The following GTF2A2 variants were observed in gnomAD, a reference collection of about 807,000 sequenced individuals.
GTF2A2 encodes general transcription factor IIA subunit 2, also known as transcription initiation factor IIA subunit 2.
Under a neutral mutation model 14.3 loss-of-function variants are expected in GTF2A2, and 9 were observed. The observed-to-expected ratio is 0.63, with a 90% CI of 0.38 to 1.10. GTF2A2 has a LOEUF of 1.10. Among genes scored for constraint, GTF2A2 ranks in the 50% least tolerant of loss-of-function variants. The pLI is 0.01. For missense variants in GTF2A2, 90 were observed against 124.6 expected (o/e 0.72, Z 1.32); for synonymous variants, 56 against 46.0 (o/e 1.22, Z -0.88).
intron 2 of GTF2A2, 72 bp from the exon 3 acceptor site, chr15:59,650,845 A>C (rs776326159): frequency 4.9e-6 from 4 of 816,238 alleles, no homozygotes; most frequent in Admixed American, 2.3e-5. Flanking sequence ...AAATATACAA[A>C]TTATCATCTA....
Position 59,639,148 on chromosome 15 carries a change from G to T in GTF2A2, c.314C>A (p.Ser105Tyr). Residue 105 changes from serine to tyrosine, a missense_variant, in exon 5 of 5, where the codon TCC becomes TAC. By Grantham distance (144) the Ser-to-Tyr change is moderately radical. Coordinates refer to ENST00000396060, the MANE Select transcript of GTF2A2 (RefSeq NM_004492.3). ...TTTTTCTATTCATTCTGTAGTATTG[G>T]AGCCAGTATCTAGGAAACAAAAGAG... The part of the protein sequence containing the change: ...IVACDGKNTG[S>Y]NTTE 6.9e-7 allele frequency: 1 copy of T among 1,458,138 alleles called. No individual in the cohort carries two copies. Among genetic ancestry groups the T allele is most frequent in the Non-Finnish European group, 9.6e-7 (1 of 1,041,774 alleles). 90.3% of individuals were successfully genotyped at this position (1,458,138 alleles called of 1,614,324 possible). A position where few individuals can be genotyped will look rare whatever the true frequency, so the allele number is the denominator to read the frequency against.
chr15:59,652,993 G>A (rs1407742554), intron 1 of GTF2A2: 3 of 152,130 alleles, frequency 2.0e-5, no homozygotes, highest in Non-Finnish European at 4.4e-5. Context: ...AATAGAATAA[G>A]TAAAGCCATG....
Position 59,639,113 on chromosome 15 carries a change from A to AAAGTCATATTTTTTC in GTF2A2, c.*4_*18dup. On this transcript the variant is annotated 3_prime_UTR_variant, in exon 5 of 5. Transcript: ENST00000396060. ...AATGAATAACAGAAGATGGTGTAAA[A>AAAGTCATATTTTTTC]AAGTCATATTTTTTCTATTCATTCT... The AAAGTCATATTTTTTC allele has an allele frequency of 7.3e-7, 1 of 1,373,242 alleles. No individual in the cohort carries two copies. The highest frequency in any genetic ancestry group is 1.0e-6 in the Non-Finnish European group (1 of 963,430). 85.1% of individuals were successfully genotyped at this position (1,373,242 alleles called of 1,614,324 possible). A position where few individuals can be genotyped will look rare whatever the true frequency, so the allele number is the denominator to read the frequency against.
chr15:59,641,272 A>AGTT (rs1364371640), intron 4 of GTF2A2, among the ~76,000 whole-genome samples: 5 of 152,008 alleles, frequency 3.3e-5, no homozygotes, highest in African/African-American at 4.8e-5. Context: ...TGCAAAAAAA[A>AGTT]GTTATAACAC....
chr15:59,640,672 A>T (rs1291961770), intron 4 of GTF2A2, among the ~76,000 whole-genome samples: 1 of 152,200 alleles, frequency 6.6e-6, no homozygotes, highest in Non-Finnish European at 1.5e-5. Context: ...TTTGATAGAG[A>T]TCTAGGTATT....
chr15:59,642,495 ATTAC>A (rs1350134351), intron 3 of GTF2A2, among the ~76,000 whole-genome samples: 1 of 152,236 alleles, frequency 6.6e-6, no homozygotes, highest in Admixed American at 6.5e-5. Context: ...TGCATTGCAA[ATTAC>A]TTACCTGAAA....
At chr15:59,656,323 G>A (rs1891941622) in intron 1 of GTF2A2, among the ~76,000 whole-genome samples, 4 of 151,768 alleles carry the variant, frequency 2.6e-5, no homozygotes. Context: ...TCAAGTCTTT[G>A]CTCAAATAAC....
chr15:59,652,321 G>C lies in GTF2A2; in HGVS notation c.-44C>G. 1 of 1,031,122 alleles carries C rather than the reference G, an allele frequency of 9.7e-7. No homozygotes were observed. Among genetic ancestry groups the C allele is most frequent in the Non-Finnish European group, 1.5e-6 (1 of 674,540 alleles). The allele number at this position is 1,031,122 out of a possible 1,614,324, so 63.9% of individuals were successfully genotyped here. A position where few individuals can be genotyped will look rare whatever the true frequency, so the allele number is the denominator to read the frequency against. On this transcript the variant is annotated 5_prime_UTR_variant, in exon 2 of 5. It adds an upstream start codon to the 5' untranslated region. Coordinates refer to ENST00000396060, the MANE Select transcript of GTF2A2 (RefSeq NM_004492.3). ...TGTTTTTCTTATTCAAGCTTGCATTGATGTCCTAAAAATTTAATATAAAAT... is the reference window on the plus strand; with the variant it reads ...TGTTTTTCTTATTCAAGCTTGCATTCATGTCCTAAAAATTTAATATAAAAT...
At chr15:59,656,771 C>T (rs1891957008) in intron 1 of GTF2A2, 1 of 152,148 alleles carries the variant, frequency 6.6e-6, no homozygotes, top group South Asian at 2.1e-4. Context: ...GAAAATAGCC[C>T]TGCGTTAAAC....
At chr15:59,642,417 A>C (rs184976775) in intron 3 of GTF2A2, among the ~76,000 whole-genome samples, 155 bp from the exon 4 acceptor site, 107 of 152,328 alleles carry the variant, frequency 7.0e-4, no homozygotes, top group East Asian at 4.4e-3. Flanking sequence ...TTAAAAAAAC[A>C]ACCACCAGAC....
chr15:59,644,872 G>A (rs1891551045), intron 3 of GTF2A2, among the ~76,000 whole-genome samples: 1 of 152,184 alleles, frequency 6.6e-6, no homozygotes, highest in Admixed American at 6.5e-5. Flanking sequence ...AGTCAGTGAA[G>A]GATCTTAAGC....
At chr15:59,648,714 C>T (rs1891694575) in intron 3 of GTF2A2, among the ~76,000 whole-genome samples, 1 of 152,038 alleles carries the variant, frequency 6.6e-6, no homozygotes, top group South Asian at 2.1e-4. Flanking sequence ...GTGGGCAGAT[C>T]ACGAGGTCAG....
At chr15:59,648,883 A>G (rs1362950879) in intron 3 of GTF2A2, among the ~76,000 whole-genome samples, 3 of 152,100 alleles carry the variant, frequency 2.0e-5, no homozygotes, top group East Asian at 1.9e-4. Context: ...GCAGTGAGCC[A>G]AGATCTCGCC....
Position 59,650,659 on chromosome 15 carries a change from A to G in GTF2A2, c.177+10T>C. 1 of 1,490,368 alleles carries G rather than the reference A, an allele frequency of 6.7e-7. No individual in the cohort carries two copies. Among genetic ancestry groups the G allele is most frequent in the Non-Finnish European group, 9.4e-7 (1 of 1,068,100 alleles). 92.3% of individuals were successfully genotyped at this position (1,490,368 alleles called of 1,614,324 possible). A position where few individuals can be genotyped will look rare whatever the true frequency, so the allele number is the denominator to read the frequency against. Reference sequence around the variant, plus strand: ...GGTACAGGCTTCTAGATTCAGGAAAATATCCTTACCCTGAAATTGACTCTG... The same window carrying G: ...GGTACAGGCTTCTAGATTCAGGAAAGTATCCTTACCCTGAAATTGACTCTG... On this transcript the variant is annotated intron_variant, in intron 3 of 4. Coordinates refer to ENST00000396060, the MANE Select transcript of GTF2A2 (RefSeq NM_004492.3).
chr15:59,650,306 C>T (rs546256789), intron 3 of GTF2A2, among the ~76,000 whole-genome samples: 15 of 152,292 alleles, frequency 9.8e-5, no homozygotes, highest in African/African-American at 3.6e-4. Context: ...GGGGAAAGGC[C>T]AGACTTTGAA....
At chr15:59,642,821 C>G (rs1331945744) in intron 3 of GTF2A2, among the ~76,000 whole-genome samples, 1 of 152,160 alleles carries the variant, frequency 6.6e-6, no homozygotes, top group African/African-American at 2.4e-5. Flanking sequence ...CGCTGGAGTG[C>G]AGTGGTGCGA....
rs1891251975 is a variant in GTF2A2 at position 59,638,385 on chromosome 15, C to T, written c.*747G>A. 6.6e-6 allele frequency: 1 copy of T among 152,068 alleles called. No individual in the cohort carries two copies. Among genetic ancestry groups the T allele is most frequent in the Non-Finnish European group, 1.5e-5 (1 of 68,026 alleles). The allele number at this position is 152,068 out of a possible 1,614,324, so 9.4% of individuals were successfully genotyped here. ...CTTCTGTATTTCTGCAAGCACAATCCACTGACATAAAAGTCTAATAATTAG... is the reference window on the plus strand; with the variant it reads ...CTTCTGTATTTCTGCAAGCACAATCTACTGACATAAAAGTCTAATAATTAG... On this transcript the variant is annotated 3_prime_UTR_variant, in exon 5 of 5. Transcript: ENST00000396060.
intron 4 of GTF2A2, chr15:59,640,022 A>C (rs1250999559): frequency 6.6e-6 from 1 of 152,450 alleles, no homozygotes; most frequent in Non-Finnish European, 1.5e-5. Context: ...AAGTGCTGGG[A>C]TTACAGGCGT....
At chr15:59,648,081 T>C (rs1891664799) in intron 3 of GTF2A2, among the ~76,000 whole-genome samples, 1 of 152,128 alleles carries the variant, frequency 6.6e-6, no homozygotes. Flanking sequence ...TCTATGGGCA[T>C]ATGTTCTCCC....
Sources: gnomAD v4.1 joint callset for allele counts (sites outside exome capture counted in the v4.1 genomes callset) on GRCh38, gnomAD v4.1.1 for gene constraint, MANE v1.5 for transcripts, NCBI Gene and HGNC (gene_info 2026-07-23, HGNC 2026-07-21) for gene names.